The following DPP6 variants were observed in gnomAD, a reference collection of about 807,000 sequenced individuals.
The protein encoded by DPP6 is dipeptidyl peptidase like 6.
Under a neutral mutation model 122.6 loss-of-function variants are expected in DPP6, and 69 were observed. That is an observed-to-expected ratio of 0.56 (90% CI 0.46 to 0.69). The LOEUF (loss-of-function observed/expected upper bound fraction) is 0.69. DPP6 is among the 30% of genes least tolerant of loss of function. The pLI is 0.00. For missense variants in DPP6, 928 were observed against 1,116.9 expected (o/e 0.83, Z 2.41); for synonymous variants, 418 against 433.1 (o/e 0.97, Z 0.43).
intron 1 of DPP6, among the ~76,000 whole-genome samples, chr7:154,018,751 G>A (rs1158597875): frequency 1.3e-5 from 2 of 152,258 alleles, no homozygotes; most frequent in African/African-American, 2.4e-5. Context: ...ACATTTGCAT[G>A]AGCAGAATGT....
chr7:154,323,401 G>C (rs1008116999), intron 1 of DPP6, among the ~76,000 whole-genome samples: 2 of 152,052 alleles, frequency 1.3e-5, no homozygotes, highest in Admixed American at 6.6e-5. Flanking sequence ...CGAGTGTTCC[G>C]TTGACTGTGT....
intron 1 of DPP6, among the ~76,000 whole-genome samples, chr7:154,189,070 C>T (rs1798490081): frequency 6.6e-6 from 1 of 152,158 alleles, no homozygotes; most frequent in Non-Finnish European, 1.5e-5. Context: ...TATAGGTCTC[C>T]TTCTTGCGTT....
rs187546133 is a variant in DPP6, at chr7:154,473,139, G to A, written c.359-1800G>A. Among the ~76,000 whole-genome samples the A allele has an allele frequency of 4.1e-3, 623 of 152,260 alleles. 2 individuals are homozygous for A. The highest frequency in any genetic ancestry group is 0.012 in the Admixed American group (181 of 15,292). Reference sequence around the variant, plus strand: ...AACATGATTATTATTTTCTGACCACGTACTTAAGAATGTCTCAGGAAGTTT... The same window carrying A: ...AACATGATTATTATTTTCTGACCACATACTTAAGAATGTCTCAGGAAGTTT... On this transcript the variant is annotated intron_variant, in intron 2 of 25. Transcript: ENST00000377770.
the DPP6 span, among the ~76,000 whole-genome samples, chr7:153,850,304 T>C: frequency 3.9e-5 from 6 of 152,252 alleles, no homozygotes; most frequent in African/African-American, 1.4e-4. Context: ...CCTGGTGGTT[T>C]GTTGGGCTGA....
At chr7:154,642,638 T>A (rs1836180604) in intron 6 of DPP6, among the ~76,000 whole-genome samples, 1 of 151,082 alleles carries the variant, frequency 6.6e-6, no homozygotes, top group Admixed American at 6.6e-5. Context: ...ATAGGCTTGT[T>A]AGAAGAATTA....
intron 1 of DPP6, among the ~76,000 whole-genome samples, chr7:154,111,467 T>G (rs1010376601): frequency 6.6e-6 from 1 of 152,194 alleles, no homozygotes; most frequent in African/African-American, 2.4e-5. Context: ...TCAATCAACA[T>G]TATCAGTCCT....
At chr7:153,775,091 G>T in the DPP6 span, among the ~76,000 whole-genome samples, 1 of 148,050 alleles carries the variant, frequency 6.8e-6, no homozygotes, top group Admixed American at 6.8e-5. Flanking sequence ...ACAGGCAAAA[G>T]ATTAAAAGAG....
At chr7:154,831,444 G>A (rs1800622068) in intron 16 of DPP6, among the ~76,000 whole-genome samples, 1 of 152,222 alleles carries the variant, frequency 6.6e-6, no homozygotes, top group African/African-American at 2.4e-5. Context: ...AAAAGTTTTA[G>A]AAAGGGAGGC....
At chr7:154,394,639 A>T (rs925183071) in intron 1 of DPP6, among the ~76,000 whole-genome samples, 8 of 152,158 alleles carry the variant, frequency 5.3e-5, no homozygotes, top group African/African-American at 1.9e-4. Flanking sequence ...TTTGGTGACA[A>T]TAAATCAATG....
rs757420479 is a variant in DPP6 at position 154,241,852 on chromosome 7, A to G, written c.243+188789A>G. 4.6e-5 allele frequency among the ~76,000 whole-genome samples: 7 copies of G among 152,160 alleles called. No individual in the cohort carries two copies. The highest frequency in any genetic ancestry group is 1.0e-4 in the Non-Finnish European group (7 of 68,024). Reference sequence around the variant, plus strand: ...TTTCTCTAAAACATAGCCCTGTGTCATCTCTGCTTTTCCACCCACCCCTAC... The same window carrying G: ...TTTCTCTAAAACATAGCCCTGTGTCGTCTCTGCTTTTCCACCCACCCCTAC... On this transcript the variant is annotated intron_variant, in intron 1 of 25. Coordinates refer to ENST00000377770, the MANE Select transcript of DPP6 (RefSeq NM_130797.4). This position sits in a 1 kb window ranked among gnomAD's most constrained non-coding sequence, Gnocchi z 9.0.
At chr7:153,842,959 C>T in the DPP6 span, among the ~76,000 whole-genome samples, 1 of 152,166 alleles carries the variant, frequency 6.6e-6, no homozygotes, top group East Asian at 1.9e-4. Context: ...TCGATGCCCC[C>T]ACTCACCCAC....
intron 1 of DPP6, among the ~76,000 whole-genome samples, chr7:154,064,177 C>G (rs748940086): frequency 6.6e-6 from 1 of 152,100 alleles, no homozygotes; most frequent in Non-Finnish European, 1.5e-5. Flanking sequence ...TGTCCCGCTC[C>G]CCGTTCAGGC....
At chr7:154,837,259 G>A (rs972146456) in intron 16 of DPP6, among the ~76,000 whole-genome samples, 1 of 149,600 alleles carries the variant, frequency 6.7e-6, no homozygotes, top group African/African-American at 2.5e-5. Flanking sequence ...ATTCACACAT[G>A]CACACACATG....
chr7:154,647,063 A>G (rs1240623399), intron 6 of DPP6, among the ~76,000 whole-genome samples: 1 of 152,192 alleles, frequency 6.6e-6, no homozygotes, highest in African/African-American at 2.4e-5. Flanking sequence ...CTCTACACCC[A>G]TGTCCCTGGT....
chr7:154,365,084 C>T (rs1812040860), intron 1 of DPP6, among the ~76,000 whole-genome samples: 1 of 152,124 alleles, frequency 6.6e-6, no homozygotes, highest in Non-Finnish European at 1.5e-5. Flanking sequence ...AGAAAATGGG[C>T]TGTTCATTTG....
intron 8 of DPP6, among the ~76,000 whole-genome samples, chr7:154,747,053 T>G (rs519302): frequency 0.79 from 120,237 of 152,114 alleles, 47,745 homozygotes; most frequent in South Asian, 0.83. Context: ...GAAGGCAGCA[T>G]GAAAGGGAAA....
At chr7:153,980,276 G>A (rs1414024950) in intron 1 of DPP6, among the ~76,000 whole-genome samples, 2 of 152,222 alleles carry the variant, frequency 1.3e-5, no homozygotes, top group South Asian at 4.2e-4. Flanking sequence ...AGTCTTGGGA[G>A]GGTGTATGTG....
At chr7:154,681,615 G>T (rs1466468748) in intron 7 of DPP6, among the ~76,000 whole-genome samples, 1 of 152,142 alleles carries the variant, frequency 6.6e-6, no homozygotes, top group Non-Finnish European at 1.5e-5. Flanking sequence ...GGCTGTACTC[G>T]GTGCTGCCAA....
intron 5 of DPP6, among the ~76,000 whole-genome samples, chr7:154,592,857 A>T (rs1832885445): frequency 6.6e-6 from 1 of 152,176 alleles, no homozygotes; most frequent in Non-Finnish European, 1.5e-5. Context: ...TTCCTCTGTT[A>T]CCAAACCACC....
Sources: allele counts gnomAD v4.1 joint callset (sites outside exome capture counted in the v4.1 genomes callset), GRCh38; gene constraint gnomAD v4.1.1; non-coding constraint Gnocchi (gnomAD v3.1); transcripts MANE v1.5; gene names NCBI Gene and HGNC (gene_info 2026-07-23, HGNC 2026-07-21).